MAPK14: variants seen among roughly 807,000 people sequenced by gnomAD.
MAPK14 encodes the protein mitogen-activated protein kinase 14.
MAPK14 carries 16 observed loss-of-function variants against 49.6 expected under a neutral mutation model. The observed-to-expected ratio is 0.32, with a 90% CI of 0.22 to 0.49. The LOEUF (loss-of-function observed/expected upper bound fraction) is 0.49, where lower values mean the gene tolerates loss of function less well. Among genes scored for constraint, MAPK14 ranks in the 20% least tolerant of loss-of-function variants. The probability of loss-of-function intolerance (pLI) is 0.99; values close to 1 mark genes in which losing one functional copy is unlikely to be tolerated. For synonymous variants in MAPK14, 142 were observed against 158.0 expected, an observed-to-expected ratio of 0.90 and a Z score of 0.76; for missense variants, 200 against 441.2, an observed-to-expected ratio of 0.45 and a Z score of 4.90.
chr6:36,085,434 A>G (rs2127456043), intron 8 of MAPK14, among the ~76,000 whole-genome samples: 2 of 152,324 alleles, frequency 1.3e-5, no homozygotes, highest in African/African-American at 4.8e-5. Flanking sequence ...CCCATCTAAC[A>G]TGCAAAGACA....
At chr6:36,102,732 T>C in intron 10 of MAPK14, 83 bp downstream of exon 10, 2 of 1,594,778 alleles carry the variant, frequency 1.3e-6, no homozygotes, top group Non-Finnish European at 1.7e-6. Context: ...GTTTCTCCTT[T>C]TGACCAAATA....
At chr6:36,104,087 A>C (rs982295356) in intron 10 of MAPK14, among the ~76,000 whole-genome samples, 1 of 152,200 alleles carries the variant, frequency 6.6e-6, no homozygotes, top group Non-Finnish European at 1.5e-5. Flanking sequence ...AATTCTTATA[A>C]TAGCAGAGAT....
At chr6:36,093,142 A>T (rs968596919) in intron 8 of MAPK14, among the ~76,000 whole-genome samples, 1 of 152,180 alleles carries the variant, frequency 6.6e-6, no homozygotes, top group Non-Finnish European at 1.5e-5. Flanking sequence ...GTACATAAAT[A>T]AGTACTTGGA....
chr6:36,082,919 T>A (rs1764823491), intron 8 of MAPK14, among the ~76,000 whole-genome samples: 1 of 152,250 alleles, frequency 6.6e-6, no homozygotes, highest in Non-Finnish European at 1.5e-5. Context: ...CATTTTTAGA[T>A]CCCTTCAAGT....
chr6:36,123,311 C>T, the MAPK14 span, among the ~76,000 whole-genome samples: 4 of 152,146 alleles, frequency 2.6e-5, no homozygotes, highest in Non-Finnish European at 4.4e-5. Context: ...CACCACCATA[C>T]GAAGGTCCAG....
At chr6:36,070,915 TA>T (rs1224059676) in intron 3 of MAPK14, among the ~76,000 whole-genome samples, 1 of 152,066 alleles carries the variant, frequency 6.6e-6, no homozygotes, top group Admixed American at 6.6e-5. Flanking sequence ...CCAAAATTCA[TA>T]AAAAAATGAA....
At chr6:36,097,391 A>G (rs1197952316) in intron 9 of MAPK14, 2 of 152,228 alleles carry the variant, frequency 1.3e-5, no homozygotes, top group Non-Finnish European at 2.9e-5. Flanking sequence ...ATGTCAACCT[A>G]AAGAGGTATT....
intron 5 of MAPK14, 139 bp downstream of exon 5, chr6:36,073,859 TTAAAG>T (rs1050925973): frequency 2.0e-6 from 2 of 990,506 alleles, no homozygotes; most frequent in Non-Finnish European, 3.1e-6. Flanking sequence ...TTTAAGCTGA[TTAAAG>T]AAAGAAGATG....
chr6:36,121,232 C>T, the MAPK14 span, among the ~76,000 whole-genome samples: 4 of 152,314 alleles, frequency 2.6e-5, no homozygotes, highest in East Asian at 5.8e-4. Flanking sequence ...AGGGCCTGTC[C>T]GGATGGGGGC....
At chr6:36,077,777 T>C (rs1457275415) in intron 8 of MAPK14, among the ~76,000 whole-genome samples, 1 of 152,220 alleles carries the variant, frequency 6.6e-6, no homozygotes, top group Non-Finnish European at 1.5e-5. Context: ...TAAATTAGTT[T>C]AATACCTGGT....
chr6:36,056,117 C>T (rs1018391884), intron 2 of MAPK14, among the ~76,000 whole-genome samples: 1 of 151,782 alleles, frequency 6.6e-6, no homozygotes, highest in Non-Finnish European at 1.5e-5. Context: ...TTTCTTCTTG[C>T]AGTCATGGTT....
At chr6:36,061,209 C>T (rs1763809491) in intron 3 of MAPK14, among the ~76,000 whole-genome samples, 1 of 152,138 alleles carries the variant, frequency 6.6e-6, no homozygotes, top group South Asian at 2.1e-4. Context: ...TTTAGGTATA[C>T]TAAGGATGGA....
At chr6:36,032,618 T>A (rs888188572) in intron 1 of MAPK14, among the ~76,000 whole-genome samples, 3 of 152,180 alleles carry the variant, frequency 2.0e-5, no homozygotes, top group Non-Finnish European at 4.4e-5. Flanking sequence ...TACTCTTAGA[T>A]CTTATTCAAC....
downstream of MAPK14, among the ~76,000 whole-genome samples, chr6:36,112,463 A>G (rs942992519): frequency 6.6e-6 from 1 of 152,220 alleles, no homozygotes; most frequent in Non-Finnish European, 1.5e-5. Flanking sequence ...TGACAAAAGC[A>G]TGTTCATAAT....
At position 36,103,854 on chromosome 6, in the gene MAPK14, T is replaced by G. The variant is rs79811046; in HGVS notation, c.841+1205T>G. On this transcript the variant is annotated intron_variant, in intron 10 of 11. Transcript: ENST00000229794. ...CCTTCTCACTTTTCTTAAGATTGTA[T>G]TGTGTGGTGTGTTTTAAAATCTCAC... 2.2e-3 allele frequency among the ~76,000 whole-genome samples: 329 copies of G among 152,282 alleles called. 4 individuals are homozygous for G. The East Asian group carries it at 0.049, about 23-fold the overall frequency.
At chr6:36,093,673 C>CGCGCCACT in intron 8 of MAPK14, among the ~76,000 whole-genome samples, 1 of 141,418 alleles carries the variant, frequency 7.1e-6, no homozygotes, top group East Asian at 2.1e-4. Flanking sequence ...GAGCCGAGAT[C>CGCGCCACT]GCGCCACTGC....
At chr6:36,121,404 G>A in the MAPK14 span, among the ~76,000 whole-genome samples, 1 of 152,200 alleles carries the variant, frequency 6.6e-6, no homozygotes, top group African/African-American at 2.4e-5. Flanking sequence ...GAGCTGTGCT[G>A]CCCTCAAGCT....
intron 8 of MAPK14, among the ~76,000 whole-genome samples, chr6:36,077,143 A>G (rs1764563591): frequency 6.6e-6 from 1 of 152,214 alleles, no homozygotes. Flanking sequence ...TTTCCAGCAC[A>G]ACTTTTTCCC....
chr6:36,086,919 C>T (rs1765008913), intron 8 of MAPK14, among the ~76,000 whole-genome samples: 1 of 152,222 alleles, frequency 6.6e-6, no homozygotes, highest in Non-Finnish European at 1.5e-5. Flanking sequence ...CCAAATCCAG[C>T]AGCATGTCAA....
Sources: allele counts gnomAD v4.1 joint callset (sites outside exome capture counted in the v4.1 genomes callset), GRCh38; gene constraint gnomAD v4.1.1; transcripts MANE v1.5; gene names NCBI Gene and HGNC (gene_info 2026-07-23, HGNC 2026-07-21).